Variants in PDE7B observed in about 807,000 individuals in gnomAD.
The protein encoded by PDE7B is phosphodiesterase 7B.
PDE7B carries 29 observed loss-of-function variants against 56.2 expected under a neutral mutation model. The ratio of observed to expected loss-of-function variants is 0.52; its 90% CI spans 0.38 to 0.70. The LOEUF (loss-of-function observed/expected upper bound fraction) is 0.70, where lower values mean the gene tolerates loss of function less well. PDE7B is among the 30% of genes least tolerant of loss of function. The pLI is 0.00. For missense variants in PDE7B, 490 were observed against 565.0 expected, an observed-to-expected ratio of 0.87 and a Z score of 1.35; for synonymous variants, 197 against 196.9, an observed-to-expected ratio of 1.00 and a Z score of 0.00.
chr6:136,141,337 G>A (rs1448382164), intron 3 of PDE7B, among the ~76,000 whole-genome samples: 2 of 152,140 alleles, frequency 1.3e-5, no homozygotes, highest in Non-Finnish European at 2.9e-5. Flanking sequence ...TGGTGGATAA[G>A]CTTTTTGATG....
chr6:135,902,774 A>G (rs1776028016), intron 1 of PDE7B, among the ~76,000 whole-genome samples: 1 of 152,216 alleles, frequency 6.6e-6, no homozygotes, highest in Non-Finnish European at 1.5e-5. Flanking sequence ...CTTTTCACAA[A>G]TAAGTCAAAT....
intron 3 of PDE7B, among the ~76,000 whole-genome samples, chr6:136,146,827 C>A (rs1180393971): frequency 6.6e-6 from 1 of 152,144 alleles, no homozygotes; most frequent in Non-Finnish European, 1.5e-5. Context: ...TCATGGCCTT[C>A]CAAAATTACA....
intron 12 of PDE7B, among the ~76,000 whole-genome samples, chr6:136,189,055 A>G (rs1256736099): frequency 2.0e-5 from 3 of 152,090 alleles, no homozygotes; most frequent in Admixed American, 2.0e-4. Flanking sequence ...GGTCTTCAGT[A>G]ATGCAGCTAT....
chr6:135,911,314 T>G (rs957719425), intron 1 of PDE7B, among the ~76,000 whole-genome samples: 5 of 152,128 alleles, frequency 3.3e-5, no homozygotes, highest in African/African-American at 7.2e-5. Flanking sequence ...TTTTGGATGG[T>G]TGGTGAATTT....
chr6:136,038,123 G>A (rs1407821252), intron 2 of PDE7B: 30 of 1,313,444 alleles, frequency 2.3e-5, no homozygotes, highest in Middle Eastern at 4.2e-4. Flanking sequence ...TTGTCTTTCC[G>A]AAGCTGGAGA....
rs1046122014 is a variant in PDE7B at position 135,905,923 on chromosome 6, C to T, written c.22-41541C>T. ...TGAGGAGAAGCAGGACAGAAGGGAGCTCTCCTGCCCTGTGCTGCGGTGACC... is the reference window on the plus strand; with the variant it reads ...TGAGGAGAAGCAGGACAGAAGGGAGTTCTCCTGCCCTGTGCTGCGGTGACC... On this transcript the variant is annotated intron_variant, in intron 1 of 12. Coordinates refer to ENST00000308191, the MANE Select transcript of PDE7B (RefSeq NM_018945.4). Among the ~76,000 whole-genome samples, 2 of 152,200 alleles carry T rather than the reference C, an allele frequency of 1.3e-5. 1 individual carries two copies. Among genetic ancestry groups the T allele is most frequent in the South Asian group, 4.1e-4 (2 of 4,828 alleles).
intron 3 of PDE7B, among the ~76,000 whole-genome samples, chr6:136,121,735 G>A (rs1054333051): frequency 4.6e-5 from 7 of 152,308 alleles, no homozygotes; most frequent in South Asian, 2.1e-4. Context: ...GGAAAGGTTG[G>A]CATTGGCATT....
chr6:136,034,875 C>A (rs1036792141), intron 2 of PDE7B: 1 of 152,466 alleles, frequency 6.6e-6, no homozygotes, highest in Non-Finnish European at 1.5e-5. Context: ...CTCAAAGTAA[C>A]CTCGAAGCCA....
At chr6:136,054,431 A>G (rs1776692019) in intron 2 of PDE7B, among the ~76,000 whole-genome samples, 1 of 152,192 alleles carries the variant, frequency 6.6e-6, no homozygotes, top group South Asian at 2.1e-4. Context: ...TTTTGGTACC[A>G]GTATCATGCT....
Position 136,180,430 on chromosome 6 carries a change from T to C in PDE7B, c.949-797T>C, listed in dbSNP as rs150091205. ...TCTGACACTTACCTCTACTTCAACA[T>C]GTACTGGTACCCCCACTAACCAGGA... On this transcript the variant is annotated intron_variant, in intron 10 of 12. Coordinates refer to ENST00000308191, the MANE Select transcript of PDE7B (RefSeq NM_018945.4). 3.3e-5 allele frequency among the ~76,000 whole-genome samples: 5 copies of C among 152,312 alleles called. No individual in the cohort carries two copies. In the East Asian group the frequency reaches 9.7e-4, roughly 29 times the overall value.
intron 8 of PDE7B, among the ~76,000 whole-genome samples, chr6:136,166,981 A>T (rs1283967552): frequency 6.6e-6 from 1 of 151,970 alleles, no homozygotes; most frequent in Non-Finnish European, 1.5e-5. Flanking sequence ...ATGTCTTCAT[A>T]CTTCCCCTCT....
chr6:136,089,104 T>C (rs1349280217), intron 2 of PDE7B, among the ~76,000 whole-genome samples: 22 of 152,236 alleles, frequency 1.4e-4, no homozygotes, highest in South Asian at 1.2e-3. Flanking sequence ...TTCTATTACA[T>C]TTGAAGCCCA....
At chr6:136,087,131 C>G (rs1012985826) in intron 2 of PDE7B, among the ~76,000 whole-genome samples, 1 of 152,212 alleles carries the variant, frequency 6.6e-6, no homozygotes, top group Non-Finnish European at 1.5e-5. Flanking sequence ...TTCTCTTTCA[C>G]TTTACATTGT....
At chr6:136,036,264 A>G (rs778911178) in intron 2 of PDE7B, among the ~76,000 whole-genome samples, 2 of 152,220 alleles carry the variant, frequency 1.3e-5, no homozygotes, top group Non-Finnish European at 2.9e-5. Context: ...GGAAGGGCAC[A>G]TCTTTCTAAT....
At chr6:136,092,638 G>A (rs1485864883) in intron 2 of PDE7B, among the ~76,000 whole-genome samples, 1 of 152,158 alleles carries the variant, frequency 6.6e-6, no homozygotes. Flanking sequence ...GTGGGCACCT[G>A]TAGTCCCAGC....
chr6:135,883,947 G>A (rs1775655918), intron 1 of PDE7B, among the ~76,000 whole-genome samples: 1 of 152,136 alleles, frequency 6.6e-6, no homozygotes, highest in African/African-American at 2.4e-5. Context: ...TTTCCCCATC[G>A]GCAAAGTCAT....
At chr6:135,960,883 A>G (rs571397549) in intron 2 of PDE7B, among the ~76,000 whole-genome samples, 49 of 152,336 alleles carry the variant, frequency 3.2e-4, no homozygotes, top group Admixed American at 9.8e-4. Context: ...AGATTCATGC[A>G]TGCTGTTGCA....
intron 8 of PDE7B, among the ~76,000 whole-genome samples, chr6:136,170,299 C>T (rs535827637): frequency 1.8e-4 from 28 of 152,208 alleles, no homozygotes; most frequent in African/African-American, 6.7e-4. Context: ...TGGTAAAATA[C>T]ATGTAATATA....
rs369936178 is a variant in PDE7B, at chr6:136,139,329, G to A, written c.167-8022G>A. Among the ~76,000 whole-genome samples the A allele has an allele frequency of 4.5e-4, 69 of 152,156 alleles. No homozygotes were observed. In the South Asian group the frequency reaches 5.4e-3, roughly 12 times the overall value. ...ACTTTTTATGGCTGCATAGTATTCC[G>A]TGGTGTATATGTGCCACATTTTCTT... On this transcript the variant is annotated intron_variant, in intron 3 of 12. Transcript: ENST00000308191.
Sources: gnomAD v4.1 joint callset for allele counts (sites outside exome capture counted in the v4.1 genomes callset) on GRCh38, gnomAD v4.1.1 for gene constraint, MANE v1.5 for transcripts, NCBI Gene and HGNC (gene_info 2026-07-23, HGNC 2026-07-21) for gene names.